The following COL4A1 variants were observed in gnomAD, a reference collection of about 807,000 sequenced individuals.
The protein encoded by COL4A1 is collagen alpha-1(IV) chain.
In COL4A1, 40 loss-of-function variants were observed where a neutral mutation model predicts 216.6. That is an observed-to-expected ratio of 0.18 (90% CI 0.14 to 0.24). COL4A1 has a LOEUF of 0.24. Among genes scored for constraint, COL4A1 ranks in the 10% least tolerant of loss-of-function variants. The probability of loss-of-function intolerance (pLI) is 1.00; values close to 1 mark genes in which losing one functional copy is unlikely to be tolerated. For synonymous variants in COL4A1, 839 were observed against 810.7 expected, an observed-to-expected ratio of 1.03 and a Z score of -0.59; for missense variants, 1,628 against 2,196.8, an observed-to-expected ratio of 0.74 and a Z score of 5.18.
intron 4 of COL4A1, among the ~76,000 whole-genome samples, chr13:110,213,392 G>A (rs1417182114): frequency 1.3e-5 from 2 of 152,212 alleles, no homozygotes; most frequent in Admixed American, 6.5e-5. Context: ...AGGAGGAAGA[G>A]CAAGGCTGGC....
intron 2 of COL4A1, among the ~76,000 whole-genome samples, chr13:110,238,785 T>C (rs1881436479): frequency 6.6e-6 from 1 of 152,210 alleles, no homozygotes; most frequent in Non-Finnish European, 1.5e-5. Flanking sequence ...GTAAACTCTA[T>C]TTTAGCAAAA....
In COL4A1 at chr13:110,307,135, G is replaced by T; in HGVS notation, c.-108C>A. The T allele has an allele frequency of 1.1e-6, 1 of 912,768 alleles. No individual in the cohort carries two copies. 56.5% of individuals were successfully genotyped at this position (912,768 alleles called of 1,614,324 possible). On this transcript the variant is annotated 5_prime_UTR_variant, in exon 1 of 52. Transcript: ENST00000375820. The surrounding 1 kb of genome is among the most constrained non-coding windows in gnomAD (Gnocchi z 5.0). ...TCCAGCGCTACGCACCGTCCCGGGT[G>T]CGGCGGCTCCAAGCGGAGACCTGAG...
chr13:110,227,907 G>A (rs779875309), intron 2 of COL4A1, among the ~76,000 whole-genome samples: 5 of 152,198 alleles, frequency 3.3e-5, no homozygotes, highest in African/African-American at 7.2e-5. Context: ...GGGGAGGCCC[G>A]CTGTGGAGGA....
chr13:110,176,573 C>A, intron 35 of COL4A1, 53 bp downstream of exon 35: 4 of 1,592,938 alleles, frequency 2.5e-6, no homozygotes, highest in Non-Finnish European at 3.4e-6. Flanking sequence ...CTGGGGAACA[C>A]AGGCCTCATC....
chr13:110,272,252 T>G lies in COL4A1; in HGVS notation c.85-29518A>C, dbSNP rs191933979. Among the ~76,000 whole-genome samples the G allele has an allele frequency of 5.9e-5, 9 of 152,328 alleles. No individual in the cohort carries two copies. The East Asian group carries it at 1.3e-3, about 23-fold the overall frequency. ...TCAGTAACTCAGAAAAAATGAAGTA[T>G]ACCTACACACATTTTTCCATAGACA... On this transcript the variant is annotated intron_variant, in intron 1 of 51. Transcript: ENST00000375820.
At chr13:110,219,918 ATATATATGTATGTATATGTGTGTG>A (rs1158507238) in intron 2 of COL4A1, among the ~76,000 whole-genome samples, 5,650 of 119,580 alleles carry the variant, frequency 0.047, 306 homozygotes, top group Admixed American at 0.089. Context: ...ATATGTGTGT[ATATATATGTATGTATATGTGTGTG>A]TATATATACA....
In COL4A1 at chr13:110,175,319, G is replaced by C; in HGVS notation, c.3097C>G (p.Pro1033Ala). ...GEKGVPGIPG[P>A]QGSPGLPGDK... is the part of the protein sequence containing the mutation. The stretch of plus-strand genomic sequence containing the variant: ...CCAGGTAAGCCAGGTGAACCTTGTG[G>C]GCCAGGGATGCCAGGCACACCTTTC... Residue 1033 changes from proline (P) to alanine (A), a missense_variant, in exon 37 of 52, where the codon CCA becomes GCA. Pro to Ala is a conservative substitution (Grantham distance 27, BLOSUM62 -1). Transcript: ENST00000375820. 2 of 1,614,162 alleles carry C rather than the reference G, an allele frequency of 1.2e-6. No individual in the cohort carries two copies. Among genetic ancestry groups the C allele is most frequent in the South Asian group, 2.2e-5 (2 of 91,078 alleles).
intron 1 of COL4A1, among the ~76,000 whole-genome samples, chr13:110,287,118 A>C (rs1235297744): frequency 6.6e-6 from 1 of 152,196 alleles, no homozygotes; most frequent in African/African-American, 2.4e-5. Context: ...CGGGCACCCC[A>C]GGTGTAGACA....
chr13:110,262,475 C>T (rs1440155178), intron 1 of COL4A1, among the ~76,000 whole-genome samples: 1 of 152,210 alleles, frequency 6.6e-6, no homozygotes, highest in Non-Finnish European at 1.5e-5. Context: ...TCAGAAGTTC[C>T]TTTCATGTGC....
At chr13:110,294,488 T>C (rs1392670045) in intron 1 of COL4A1, among the ~76,000 whole-genome samples, 3 of 152,220 alleles carry the variant, frequency 2.0e-5, no homozygotes, top group South Asian at 2.1e-4. Context: ...CCAAGTGGTA[T>C]TTCCCATGGC....
At chr13:110,165,782 C>T (rs138816690) in intron 45 of COL4A1, among the ~76,000 whole-genome samples, 300 of 152,252 alleles carry the variant, frequency 2.0e-3, no homozygotes, top group African/African-American at 6.9e-3. Context: ...TGGTTTTCGG[C>T]GACTTTCATG....
At position 110,203,762 on chromosome 13, in the gene COL4A1, C is replaced by T. The variant is rs1879356323; in HGVS notation, c.958-155G>A. On this transcript the variant is annotated intron_variant, in intron 17 of 51. Coordinates refer to ENST00000375820, the MANE Select transcript of COL4A1 (RefSeq NM_001845.6). ...AATATCTCTCATTCTGTGACGATTACAACAAAAATGAATAGATTTCATTTT... is the reference window on the plus strand; with the variant it reads ...AATATCTCTCATTCTGTGACGATTATAACAAAAATGAATAGATTTCATTTT... 1.3e-5 allele frequency among the ~76,000 whole-genome samples: 2 copies of T among 152,230 alleles called. 1 individual carries two copies. The highest frequency in any genetic ancestry group is 1.3e-4 in the Admixed American group (2 of 15,296).
rs183410955 is a variant in COL4A1 at position 110,260,451 on chromosome 13, G to T, written c.85-17717C>A. Among the ~76,000 whole-genome samples the T allele has an allele frequency of 1.3e-3, 205 of 152,232 alleles. 1 individual carries two copies. Among genetic ancestry groups the T allele is most frequent in the African/African-American group, 4.5e-3 (186 of 41,540 alleles). Reference sequence around the variant, plus strand: ...AGTGAAACCACATCACACCATTACAGGTAACCTCTCCACACAGGACAGGCT... The same window carrying T: ...AGTGAAACCACATCACACCATTACATGTAACCTCTCCACACAGGACAGGCT... On this transcript the variant is annotated intron_variant, in intron 1 of 51. Coordinates refer to ENST00000375820, the MANE Select transcript of COL4A1 (RefSeq NM_001845.6).
intron 22 of COL4A1, among the ~76,000 whole-genome samples, chr13:110,194,207 T>A (rs1454376498): frequency 6.6e-6 from 1 of 152,178 alleles, no homozygotes; most frequent in Non-Finnish European, 1.5e-5. Flanking sequence ...GGTCCTGCAG[T>A]GTATGTGGCT....
At chr13:110,189,361 C>T (rs1487971152) in intron 24 of COL4A1, among the ~76,000 whole-genome samples, 1 of 152,252 alleles carries the variant, frequency 6.6e-6, no homozygotes, top group Admixed American at 6.5e-5. Context: ...CCGTACCCAG[C>T]AGTGACTGCA....
At chr13:110,155,432 G>C (rs374495995) in intron 49 of COL4A1, 35 bp from the exon 50 acceptor site, 2 of 1,535,464 alleles carry the variant, frequency 1.3e-6, no homozygotes, top group East Asian at 2.3e-5. Context: ...GCACAGCCGG[G>C]GTGCAGGGCA....
chr13:110,166,512 C>CACACATATATGCATATAT (rs1237256126), intron 44 of COL4A1, among the ~76,000 whole-genome samples: 2 of 152,190 alleles, frequency 1.3e-5, no homozygotes, highest in African/African-American at 4.8e-5. Flanking sequence ...CATACATATA[C>CACACATATATGCATATAT]ACACATATAT....
Position 110,276,493 on chromosome 13 carries a change from G to A in COL4A1, c.84+30451C>T, listed in dbSNP as rs909514262. Among the ~76,000 whole-genome samples the A allele has an allele frequency of 7.9e-5, 12 of 151,946 alleles. No homozygotes were observed. In the South Asian group the frequency reaches 8.3e-4, roughly 11 times the overall value. ...CCTCTGCTGAGGCTCCTCTACACCC[G>A]GAGCGTTTTTATACAGGTTGCATGG... On this transcript the variant is annotated intron_variant, in intron 1 of 51. Coordinates refer to ENST00000375820, the MANE Select transcript of COL4A1 (RefSeq NM_001845.6).
At chr13:110,297,307 C>A (rs1884313316) in intron 1 of COL4A1, among the ~76,000 whole-genome samples, 1 of 152,090 alleles carries the variant, frequency 6.6e-6, no homozygotes, top group Non-Finnish European at 1.5e-5. Flanking sequence ...GAATTGTATG[C>A]CAGGAAACAA....
Sources: allele counts gnomAD v4.1 joint callset (sites outside exome capture counted in the v4.1 genomes callset), GRCh38; gene constraint gnomAD v4.1.1; non-coding constraint Gnocchi (gnomAD v3.1); transcripts MANE v1.5; gene names NCBI Gene and HGNC (gene_info 2026-07-23, HGNC 2026-07-21).